Variants in ITPK1 observed in about 807,000 individuals in gnomAD.
ITPK1 encodes inositol-tetrakisphosphate 1-kinase, also known as inositol 1,3,4-trisphosphate 5/6-kinase.
A neutral mutation model predicts 45.3 loss-of-function variants in ITPK1; 21 were observed. The observed-to-expected ratio is 0.46, with a 90% CI of 0.33 to 0.67. The LOEUF (loss-of-function observed/expected upper bound fraction) is 0.67, where lower values mean the gene tolerates loss of function less well. Ranked by LOEUF, ITPK1 falls within the 30% of genes least tolerant of loss-of-function variation. ITPK1 has a pLI of 0.02. For missense variants in ITPK1, 474 were observed against 573.5 expected (o/e 0.83, Z 1.77); for synonymous variants, 258 against 253.6 (o/e 1.02, Z -0.16).
At chr14:93,075,772 G>C (rs577909054) in intron 3 of ITPK1, among the ~76,000 whole-genome samples, 72 of 152,312 alleles carry the variant, frequency 4.7e-4, no homozygotes, top group Non-Finnish European at 9.4e-4. Flanking sequence ...CCCTGATCTA[G>C]TCCCCAGCTT....
chr14:93,100,152 G>T (rs928527255), intron 2 of ITPK1, among the ~76,000 whole-genome samples: 1 of 152,202 alleles, frequency 6.6e-6, no homozygotes, highest in Non-Finnish European at 1.5e-5. Context: ...CAGCCCCAGA[G>T]ACTGGTTCAG....
intron 5 of ITPK1, among the ~76,000 whole-genome samples, chr14:92,982,711 G>A (rs570865853): frequency 1.3e-5 from 2 of 152,332 alleles, no homozygotes; most frequent in South Asian, 4.1e-4. Flanking sequence ...GCTGTCATCT[G>A]TCATGCAGCA....
Position 93,023,613 on chromosome 14 carries a change from G to A in ITPK1, c.121-6812C>T, listed in dbSNP as rs1313600155. On this transcript the variant is annotated intron_variant, in intron 3 of 10. Transcript: ENST00000267615. The stretch of plus-strand genomic sequence containing the variant: ...AGGATGGAAGGGAAGGGAAAGGGAA[G>A]GGGAGAAAAGCAGATTAAGGCAAAC... 2.0e-5 allele frequency among the ~76,000 whole-genome samples: 3 copies of A among 152,216 alleles called. No homozygotes were observed. In the East Asian group the frequency reaches 5.8e-4, roughly 29 times the overall value.
chr14:93,103,463 C>G (rs1404326172), intron 2 of ITPK1, among the ~76,000 whole-genome samples: 1 of 152,008 alleles, frequency 6.6e-6, no homozygotes, highest in Non-Finnish European at 1.5e-5. Context: ...GCCCAGGACC[C>G]TGAGAGGTAC....
rs3783926 is a variant in ITPK1, at chr14:92,945,320, G to A, written c.901+1011C>T. On this transcript the variant is annotated intron_variant, in intron 10 of 10. Coordinates refer to ENST00000267615, the MANE Select transcript of ITPK1 (RefSeq NM_014216.6). ...ACTGCGCCTGCGCATGCTCTCAGAC[G>A]AGCGGAGGTGACACACACAGAAAGT... Among the ~76,000 whole-genome samples the A allele has an allele frequency of 4.7e-4, 71 of 152,338 alleles. No homozygotes were observed. In the East Asian group the frequency reaches 0.013, roughly 28 times the overall value.
chr14:93,030,208 G>A (rs1340934464), intron 3 of ITPK1, among the ~76,000 whole-genome samples: 1 of 152,224 alleles, frequency 6.6e-6, no homozygotes, highest in Admixed American at 6.5e-5. Context: ...AATAAAATGA[G>A]GTGACACGTC....
intron 5 of ITPK1, among the ~76,000 whole-genome samples, chr14:92,989,854 G>A (rs1886691319): frequency 6.6e-6 from 1 of 152,144 alleles, no homozygotes; most frequent in Non-Finnish European, 1.5e-5. Context: ...TCATCTATGA[G>A]GGAAAGGTAG....
chr14:93,056,515 G>A (rs1250827403), intron 3 of ITPK1, among the ~76,000 whole-genome samples: 1 of 152,192 alleles, frequency 6.6e-6, no homozygotes, highest in African/African-American at 2.4e-5. Context: ...AGCAGAATTA[G>A]GAGACCTCAG....
chr14:93,074,561 C>T (rs2236131), intron 3 of ITPK1, among the ~76,000 whole-genome samples: 37,511 of 152,080 alleles, frequency 0.25, 5,159 homozygotes, highest in Admixed American at 0.35. Context: ...TGCTGGGGAG[C>T]GCCTGAACTC....
chr14:93,028,873 G>A (rs1052236481), intron 3 of ITPK1, among the ~76,000 whole-genome samples: 2 of 152,242 alleles, frequency 1.3e-5, no homozygotes, highest in Admixed American at 6.5e-5. Context: ...CCTCCTCGCA[G>A]TGGTGCCTAC....
chr14:92,963,448 A>G (rs1885191964), intron 5 of ITPK1, among the ~76,000 whole-genome samples: 1 of 152,254 alleles, frequency 6.6e-6, no homozygotes, highest in Non-Finnish European at 1.5e-5. Context: ...CTGTTTCCAC[A>G]TGGACACTGC....
chr14:92,974,807 C>T (rs1009008635), intron 5 of ITPK1, among the ~76,000 whole-genome samples: 28 of 152,246 alleles, frequency 1.8e-4, no homozygotes, highest in African/African-American at 6.0e-4. Context: ...TGGAGTGAGT[C>T]TTCCCCAGCA....
intron 3 of ITPK1, among the ~76,000 whole-genome samples, chr14:93,026,602 G>T (rs559787348): frequency 1.3e-5 from 2 of 152,294 alleles, no homozygotes; most frequent in Non-Finnish European, 2.9e-5. Flanking sequence ...TCTCGTCCAG[G>T]AGTCTCACTT....
intron 3 of ITPK1, among the ~76,000 whole-genome samples, chr14:93,050,535 C>T (rs1405570552): frequency 2.0e-5 from 3 of 152,066 alleles, no homozygotes; most frequent in Admixed American, 6.5e-5. Flanking sequence ...CGCAGGTGGC[C>T]GAATACTGCA....
At chr14:92,942,049 C>T (rs1401115117) in intron 10 of ITPK1, 145 bp from the exon 11 acceptor site, 2 of 728,744 alleles carry the variant, frequency 2.7e-6, no homozygotes, top group East Asian at 2.8e-5. Flanking sequence ...AAACGTGAGG[C>T]TCAGCAGATA....
At chr14:93,100,526 G>GGAGAGAGGAGGGAGAGA (rs1432426396) in intron 2 of ITPK1, among the ~76,000 whole-genome samples, 195 of 151,400 alleles carry the variant, frequency 1.3e-3, no homozygotes, top group African/African-American at 4.5e-3. Context: ...GGGGCCGGGG[G>GGAGAGAGGAGGGAGAGA]GAGAGAGGAG....
chr14:93,061,601 C>A (rs1336448380), intron 3 of ITPK1, among the ~76,000 whole-genome samples: 1 of 152,216 alleles, frequency 6.6e-6, no homozygotes, highest in Non-Finnish European at 1.5e-5. Context: ...TCTAGAAGCA[C>A]AAACTCCCAC....
chr14:93,008,373 C>T (rs960601763), intron 4 of ITPK1, among the ~76,000 whole-genome samples: 9 of 138,874 alleles, frequency 6.5e-5, no homozygotes, highest in Admixed American at 4.5e-4. Flanking sequence ...TTCATTGTTG[C>T]ATCTGTAATG....
At chr14:93,066,407 CTTTTT>C (rs751357627) in intron 3 of ITPK1, 77 of 293,592 alleles carry the variant, frequency 2.6e-4, no homozygotes, top group Middle Eastern at 1.2e-3. Flanking sequence ...TTTAGCAATT[CTTTTT>C]TTTTTTTTTT....
Sources: gnomAD v4.1 joint callset for allele counts (sites outside exome capture counted in the v4.1 genomes callset) on GRCh38, gnomAD v4.1.1 for gene constraint, MANE v1.5 for transcripts, NCBI Gene and HGNC (gene_info 2026-07-23, HGNC 2026-07-21) for gene names.